Variants in CNKSR2 observed in about 807,000 individuals in gnomAD.
CNKSR2 encodes CNK homolog protein 2.
In CNKSR2, 14 loss-of-function variants were observed where a neutral mutation model predicts 84.4. The observed-to-expected ratio is 0.17, with a 90% CI of 0.11 to 0.26. CNKSR2 has a LOEUF of 0.26. Ranked by LOEUF, CNKSR2 falls within the 10% of genes least tolerant of loss-of-function variation. The pLI, the probability that CNKSR2 is intolerant of heterozygous loss-of-function variation, is 1.00. For missense variants in CNKSR2, 485 were observed against 771.2 expected (o/e 0.63, Z 4.40); for synonymous variants, 275 against 277.9 (o/e 0.99, Z 0.10).
At chrX:21,527,717 G>A (rs1166131149) in intron 10 of CNKSR2, among the ~76,000 whole-genome samples, 1 of 110,672 alleles carries the variant, frequency 9.0e-6, no homozygotes, top group Non-Finnish European at 1.9e-5. Context: ...CAAAAATTAT[G>A]GAAAAGGACT....
intron 10 of CNKSR2, among the ~76,000 whole-genome samples, chrX:21,530,332 G>A (rs1229570643): frequency 9.0e-6 from 1 of 111,014 alleles, no homozygotes; most frequent in African/African-American, 3.3e-5. Context: ...GGAGAATGTT[G>A]TTTACTACTT....
At chrX:21,377,790 C>A (rs936827695) in intron 1 of CNKSR2, among the ~76,000 whole-genome samples, 1 of 110,571 alleles carries the variant, frequency 9.0e-6, no homozygotes, top group African/African-American at 3.3e-5. Context: ...GAAACTCAGT[C>A]CCAGAGAGGG....
In CNKSR2 at chrX:21,516,532, G is replaced by C; in HGVS notation, c.858G>C (p.Pro286=). The part of the protein sequence containing the change: ...KNLVNALRED[P]SGVILTLKKR... ...TGGTGAATGCACTACGAGAGGACCC[G>C]AGTGGTGTTATCTTAACTTTGAAAA... Residue 286 remains proline, a synonymous_variant, in exon 9 of 22, where the codon CCG becomes CCC. Transcript: ENST00000379510. 8.3e-7 allele frequency: 1 copy of C among 1,209,244 alleles called. No individual in the cohort carries two copies. The highest frequency in any genetic ancestry group is 1.1e-6 in the Non-Finnish European group (1 of 894,034).
At chrX:21,425,391 A>G (rs892620252) in intron 1 of CNKSR2, 1 of 112,089 alleles carries the variant, frequency 8.9e-6, no homozygotes, top group Admixed American at 9.4e-5. Flanking sequence ...TTGAGACTAT[A>G]GTAAAGACAT....
At chrX:21,640,318 C>A (rs1006332576) in intron 20 of CNKSR2, among the ~76,000 whole-genome samples, 8 of 111,546 alleles carry the variant, frequency 7.2e-5, no homozygotes, top group Non-Finnish European at 1.9e-5. Context: ...AGGTTGGATT[C>A]CCTCTGATTT....
intron 20 of CNKSR2, among the ~76,000 whole-genome samples, chrX:21,627,584 T>C (rs1421745766): frequency 3.6e-5 from 4 of 112,019 alleles, no homozygotes; most frequent in Non-Finnish European, 5.6e-5. Flanking sequence ...CTCACAGTCA[T>C]GGCAGAAGGC....
chrX:21,463,826 GCAAA>G (rs2091092007), intron 4 of CNKSR2, among the ~76,000 whole-genome samples: 1 of 110,975 alleles, frequency 9.0e-6, no homozygotes, highest in African/African-American at 3.3e-5. Flanking sequence ...ATCCCAAGAC[GCAAA>G]CAAAGTCTTC....
Position 21,454,426 on chromosome X carries a change from T to G in CNKSR2, c.519+13645T>G, listed in dbSNP as rs777339774. Among the ~76,000 whole-genome samples, 43 of 112,444 alleles carry G rather than the reference T, an allele frequency of 3.8e-4. 1 individual carries two copies. Among genetic ancestry groups the G allele is most frequent in the South Asian group, 1.8e-3 (5 of 2,735 alleles). ...CCATCATGGTGCTTATTAAATAATC[T>G]TATTGTTTTTCTGCACATTTTACTA... On this transcript the variant is annotated intron_variant, in intron 4 of 21. Transcript: ENST00000379510.
At chrX:21,623,399 T>C (rs966879652) in intron 20 of CNKSR2, among the ~76,000 whole-genome samples, 1 of 111,877 alleles carries the variant, frequency 8.9e-6, no homozygotes, top group African/African-American at 3.2e-5. Flanking sequence ...TGCTGTAATC[T>C]ATCTAGTGCA....
intron 13 of CNKSR2, among the ~76,000 whole-genome samples, chrX:21,570,767 CGGAGAACAGCCCATTG>C (rs1352712205): frequency 4.5e-5 from 5 of 112,125 alleles, no homozygotes; most frequent in Non-Finnish European, 7.5e-5. Flanking sequence ...GAAAAGAGAT[CGGAGAACAGCCCATTG>C]GGAGAACAGT....
At chrX:21,533,565 G>A (rs2091903020) in intron 11 of CNKSR2, among the ~76,000 whole-genome samples, 1 of 110,897 alleles carries the variant, frequency 9.0e-6, no homozygotes, top group Non-Finnish European at 1.9e-5. Flanking sequence ...TTACTCGAAT[G>A]GCTATAAATT....
chrX:21,422,796 A>G (rs2090515878), intron 1 of CNKSR2, among the ~76,000 whole-genome samples: 1 of 111,574 alleles, frequency 9.0e-6, no homozygotes, highest in Non-Finnish European at 1.9e-5. Context: ...TGTTTTTATC[A>G]TTATACTTTG....
intron 11 of CNKSR2, among the ~76,000 whole-genome samples, chrX:21,555,500 C>T (rs2092131895): frequency 9.0e-6 from 1 of 111,328 alleles, no homozygotes; most frequent in South Asian, 3.7e-4. Flanking sequence ...AGTTTTACTT[C>T]CTCTTTAAAT....
At chrX:21,565,355 T>C (rs1199029418) in intron 13 of CNKSR2, among the ~76,000 whole-genome samples, 2 of 111,519 alleles carry the variant, frequency 1.8e-5, no homozygotes, top group East Asian at 5.6e-4. Context: ...GCCAAATTGG[T>C]AATCAGGAAT....
At chrX:21,500,879 A>G (rs2091552783) in intron 7 of CNKSR2, among the ~76,000 whole-genome samples, 1 of 111,594 alleles carries the variant, frequency 9.0e-6, no homozygotes, top group Non-Finnish European at 1.9e-5. Context: ...TCTTATAACT[A>G]GACACTTAGC....
intron 1 of CNKSR2, among the ~76,000 whole-genome samples, chrX:21,379,678 CT>C (rs1198565434): frequency 9.0e-6 from 1 of 111,531 alleles, no homozygotes; most frequent in Non-Finnish European, 1.9e-5. Context: ...ATGGAGGGTG[CT>C]TTAATGGGTT....
At chrX:21,643,535 A>G (rs1918790090) in intron 20 of CNKSR2, 1 of 111,929 alleles carries the variant, frequency 8.9e-6, no homozygotes, top group South Asian at 3.7e-4. Flanking sequence ...GAAGCACATT[A>G]TCATTATTAC....
chrX:21,629,220 T>A (rs1280073219), intron 20 of CNKSR2, among the ~76,000 whole-genome samples: 3 of 112,286 alleles, frequency 2.7e-5, no homozygotes, highest in Non-Finnish European at 5.6e-5. Flanking sequence ...CATATCATTA[T>A]TAGCATTTTG....
chrX:21,628,448 G>A (rs775721355), intron 20 of CNKSR2, among the ~76,000 whole-genome samples: 176 of 111,562 alleles, frequency 1.6e-3, no homozygotes, highest in Non-Finnish European at 3.0e-3. Context: ...CTTCTGCACC[G>A]CCCTAGCAGA....
Sources: gnomAD v4.1 joint callset for allele counts (sites outside exome capture counted in the v4.1 genomes callset) on GRCh38, gnomAD v4.1.1 for gene constraint, MANE v1.5 for transcripts, NCBI Gene and HGNC (gene_info 2026-07-23, HGNC 2026-07-21) for gene names.